Variants in MEI4 observed in about 807,000 individuals in gnomAD.
MEI4 encodes the protein meiosis-specific protein MEI4.
A neutral mutation model predicts 31.4 loss-of-function variants in MEI4; 27 were observed. That is an observed-to-expected ratio of 0.86 (90% CI 0.63 to 1.19). The LOEUF (loss-of-function observed/expected upper bound fraction) is 1.19, where lower values mean the gene tolerates loss of function less well. Ranked by LOEUF, MEI4 falls within the 50% of genes most tolerant of loss-of-function variation. MEI4 has a pLI of 0.00. For synonymous variants in MEI4, 122 were observed against 145.4 expected, an observed-to-expected ratio of 0.84 and a Z score of 1.16; for missense variants, 329 against 398.9, an observed-to-expected ratio of 0.82 and a Z score of 1.49.
intron 4 of MEI4, among the ~76,000 whole-genome samples, chr6:77,842,419 A>G (rs1265048506): frequency 6.6e-6 from 1 of 151,806 alleles, no homozygotes; most frequent in Non-Finnish European, 1.5e-5. Context: ...AATTTGAGAA[A>G]TATATGGATT....
chr6:77,671,635 C>A (rs1768742795), intron 1 of MEI4, among the ~76,000 whole-genome samples: 1 of 152,150 alleles, frequency 6.6e-6, no homozygotes, highest in South Asian at 2.1e-4. Context: ...CTCATTGTAG[C>A]CCCTCATTAT....
chr6:77,790,695 G>C (rs1768897502), intron 3 of MEI4, among the ~76,000 whole-genome samples: 1 of 152,108 alleles, frequency 6.6e-6, no homozygotes, highest in Non-Finnish European at 1.5e-5. Context: ...TGAGACTCAT[G>C]ATCATACTGT....
intron 4 of MEI4, among the ~76,000 whole-genome samples, chr6:77,887,552 C>G (rs1353708957): frequency 2.0e-5 from 3 of 152,178 alleles, no homozygotes; most frequent in African/African-American, 7.2e-5. Context: ...CCCCCTCAGC[C>G]TCCCAAAGTG....
intron 1 of MEI4, among the ~76,000 whole-genome samples, chr6:77,681,754 G>A (rs1049518118): frequency 1.2e-4 from 18 of 152,142 alleles, no homozygotes; most frequent in Admixed American, 3.9e-4. Flanking sequence ...TTTTCAACAA[G>A]AGAAACATGA....
intron 4 of MEI4, among the ~76,000 whole-genome samples, chr6:77,906,691 A>G (rs1441237969): frequency 6.6e-6 from 1 of 152,128 alleles, no homozygotes; most frequent in African/African-American, 2.4e-5. Context: ...GGCCTAACAT[A>G]TAGGCTTGCA....
At chr6:77,897,740 A>T (rs1040422023) in intron 4 of MEI4, among the ~76,000 whole-genome samples, 3 of 151,932 alleles carry the variant, frequency 2.0e-5, no homozygotes, top group Non-Finnish European at 4.4e-5. Context: ...AGCAAAATGG[A>T]TTAATACTTA....
intron 4 of MEI4, among the ~76,000 whole-genome samples, chr6:77,841,333 A>ATATTTTTTTTTTTTT: frequency 7.2e-5 from 2 of 27,736 alleles, no homozygotes; most frequent in African/African-American, 3.3e-4. Context: ...ATATATATAT[A>ATATTTTTTTTTTTTT]TTTTTTTTTT....
chr6:77,855,387 C>T (rs1770722090), intron 4 of MEI4, among the ~76,000 whole-genome samples: 1 of 152,050 alleles, frequency 6.6e-6, no homozygotes, highest in South Asian at 2.1e-4. Flanking sequence ...TTACAAACCT[C>T]CCTATGGAAG....
At chr6:77,834,728 A>G (rs1216670757) in intron 4 of MEI4, among the ~76,000 whole-genome samples, 1 of 152,158 alleles carries the variant, frequency 6.6e-6, no homozygotes, top group Admixed American at 6.6e-5. Flanking sequence ...ATTGTGAGTA[A>G]ACAGCACTAG....
chr6:77,741,020 A>T (rs1002517247), intron 2 of MEI4, among the ~76,000 whole-genome samples: 8 of 152,142 alleles, frequency 5.3e-5, no homozygotes, highest in Admixed American at 4.6e-4. Flanking sequence ...GACAGGGGAG[A>T]TACTTTTTTT....
intron 3 of MEI4, among the ~76,000 whole-genome samples, chr6:77,764,201 G>A (rs538809694): frequency 6.6e-6 from 1 of 152,158 alleles, no homozygotes; most frequent in African/African-American, 2.4e-5. Context: ...GTTTTGGTAA[G>A]TTGCATATTT....
chr6:77,730,996 A>G (rs1171048177), intron 2 of MEI4, among the ~76,000 whole-genome samples: 1 of 151,706 alleles, frequency 6.6e-6, no homozygotes, highest in Non-Finnish European at 1.5e-5. Context: ...CATGGTGTAT[A>G]TGTGCCACAT....
In MEI4 at chr6:77,924,745, C is replaced by T. The variant is rs1766805670; in HGVS notation, c.*1399C>T. On this transcript the variant is annotated 3_prime_UTR_variant, in exon 5 of 5. Coordinates refer to ENST00000684080, the MANE Select transcript of MEI4 (RefSeq NM_001322247.2). Reference sequence around the variant, plus strand: ...CAATTGAGCAAGACGAAAGGCTAGGCTGAGAAATGTCACATTAGCACTTCC... The same window carrying T: ...CAATTGAGCAAGACGAAAGGCTAGGTTGAGAAATGTCACATTAGCACTTCC... The T allele has an allele frequency of 6.6e-6, 1 of 151,778 alleles. No individual in the cohort carries two copies. Among genetic ancestry groups the T allele is most frequent in the Non-Finnish European group, 1.5e-5 (1 of 67,882 alleles). The allele number at this position is 151,778 out of a possible 1,614,324, so 9.4% of individuals were successfully genotyped here.
chr6:77,697,586 T>A (rs1460945582), intron 2 of MEI4, among the ~76,000 whole-genome samples: 8 of 152,114 alleles, frequency 5.3e-5, no homozygotes, highest in Non-Finnish European at 7.4e-5. Context: ...TTTGAGTGAG[T>A]TTCTTAATCC....
intron 2 of MEI4, among the ~76,000 whole-genome samples, chr6:77,730,751 G>A (rs112885246): frequency 0.2 from 30,531 of 150,816 alleles, 3,413 homozygotes; most frequent in African/African-American, 0.3. Flanking sequence ...AGCATTAGGT[G>A]TATCTCCCAG....
At chr6:77,757,796 A>C (rs1170645378) in intron 2 of MEI4, among the ~76,000 whole-genome samples, 1 of 152,166 alleles carries the variant, frequency 6.6e-6, no homozygotes, top group Non-Finnish European at 1.5e-5. Context: ...TGAAGAATGA[A>C]GTTAATGTCT....
chr6:77,731,521 G>A (rs1368095480), intron 2 of MEI4, among the ~76,000 whole-genome samples: 9 of 151,480 alleles, frequency 5.9e-5, no homozygotes, highest in South Asian at 2.1e-4. Context: ...GTAGATTCTG[G>A]ATATTAGCCC....
rs191904699 is a variant in MEI4 at position 77,842,967 on chromosome 6, G to A, written c.900+13905G>A. 3.6e-4 allele frequency among the ~76,000 whole-genome samples: 55 copies of A among 151,716 alleles called. 1 individual carries two copies. The highest frequency in any genetic ancestry group is 2.0e-4 in the Admixed American group (3 of 15,200). On this transcript the variant is annotated intron_variant, in intron 4 of 4. Coordinates refer to ENST00000684080, the MANE Select transcript of MEI4 (RefSeq NM_001322247.2). The stretch of plus-strand genomic sequence containing the variant: ...ACAAAGAAAACTCTAGACTTCGAGG[G>A]TTTCACTATCAAATTCTACCAAAAT...
chr6:77,874,595 A>C (rs1300446286), intron 4 of MEI4, among the ~76,000 whole-genome samples: 2 of 152,030 alleles, frequency 1.3e-5, no homozygotes, highest in African/African-American at 4.8e-5. Flanking sequence ...AATACCCTTT[A>C]TTTCCTTCTC....
Sources: allele counts gnomAD v4.1 joint callset (sites outside exome capture counted in the v4.1 genomes callset), GRCh38; gene constraint gnomAD v4.1.1; transcripts MANE v1.5; gene names NCBI Gene and HGNC (gene_info 2026-07-23, HGNC 2026-07-21).